ULK4: variants seen among roughly 807,000 people sequenced by gnomAD.
ULK4 encodes inactive serine/threonine-protein kinase ULK4.
In ULK4, 133 loss-of-function variants were observed where a neutral mutation model predicts 160.6. That is an observed-to-expected ratio of 0.83 (90% CI 0.72 to 0.96). The LOEUF is 0.96. Ranked by LOEUF, ULK4 falls within the 40% of genes least tolerant of loss-of-function variation. The probability of loss-of-function intolerance (pLI) is 0.00; values close to 1 mark genes in which losing one functional copy is unlikely to be tolerated. For missense variants in ULK4, 1,580 were observed against 1,499.5 expected (o/e 1.05, Z -0.89); for synonymous variants, 534 against 539.8 (o/e 0.99, Z 0.15).
At chr3:41,541,407 A>G (rs894152845) in intron 32 of ULK4, among the ~76,000 whole-genome samples, 1 of 152,202 alleles carries the variant, frequency 6.6e-6, no homozygotes, top group African/African-American at 2.4e-5. Flanking sequence ...TGGTACCAAT[A>G]CCATGCTGTT....
chr3:41,814,026 A>G (rs532131998), intron 19 of ULK4, among the ~76,000 whole-genome samples: 3 of 152,254 alleles, frequency 2.0e-5, no homozygotes, highest in African/African-American at 7.2e-5. Context: ...GACCGCTGCC[A>G]AAGAGGTGAT....
chr3:41,885,732 G>C (rs1184653735), intron 16 of ULK4, among the ~76,000 whole-genome samples: 4 of 151,540 alleles, frequency 2.6e-5, no homozygotes, highest in African/African-American at 9.7e-5. Flanking sequence ...ACCCAAGCCA[G>C]AGTGCAGTGG....
chr3:41,912,140 C>T (rs1002572910), intron 9 of ULK4, among the ~76,000 whole-genome samples: 2 of 151,954 alleles, frequency 1.3e-5, no homozygotes, highest in African/African-American at 4.8e-5. Context: ...CCAGCCTGGG[C>T]AACATGGTGA....
intron 32 of ULK4, among the ~76,000 whole-genome samples, chr3:41,558,369 GA>G (rs2087389520): frequency 6.6e-6 from 1 of 151,800 alleles, no homozygotes; most frequent in Non-Finnish European, 1.5e-5. Flanking sequence ...CTTAGGGGAG[GA>G]AAAAAATATT....
At chr3:41,624,772 T>A (rs1158535994) in intron 30 of ULK4, among the ~76,000 whole-genome samples, 1 of 152,218 alleles carries the variant, frequency 6.6e-6, no homozygotes, top group East Asian at 1.9e-4. Context: ...GTTTCTTGTT[T>A]CTTTAAGGCT....
chr3:41,669,313 G>A (rs567551505), intron 29 of ULK4, among the ~76,000 whole-genome samples: 5 of 152,140 alleles, frequency 3.3e-5, no homozygotes, highest in South Asian at 2.1e-4. Context: ...TGGCAAGATC[G>A]TAGCTCACTG....
chr3:41,651,991 A>G lies in ULK4; in HGVS notation c.3071+11616T>C, dbSNP rs569682297. 1.6e-4 allele frequency among the ~76,000 whole-genome samples: 24 copies of G among 152,290 alleles called. No individual in the cohort carries two copies. The South Asian group carries it at 3.9e-3, about 25-fold the overall frequency. On this transcript the variant is annotated intron_variant, in intron 30 of 36. Coordinates refer to ENST00000301831, the MANE Select transcript of ULK4 (RefSeq NM_017886.4). ...ACTGAACCCATGAAAGCCAGAGAAG[A>G]ATAACTATAATAAGCAAGCCCCCAG...
intron 30 of ULK4, among the ~76,000 whole-genome samples, chr3:41,630,191 T>C (rs1256577566): frequency 2.0e-5 from 3 of 152,156 alleles, no homozygotes; most frequent in Non-Finnish European, 4.4e-5. Flanking sequence ...CAGAAGTCCA[T>C]CTCAGCATGG....
intron 2 of ULK4, among the ~76,000 whole-genome samples, chr3:41,938,982 T>C (rs1442242339): frequency 2.0e-5 from 3 of 152,168 alleles, no homozygotes; most frequent in African/African-American, 7.2e-5. Flanking sequence ...GGTCACTAAG[T>C]TGTATTATCA....
intron 29 of ULK4, among the ~76,000 whole-genome samples, chr3:41,675,746 T>C (rs1331764763): frequency 6.6e-6 from 1 of 151,922 alleles, no homozygotes; most frequent in South Asian, 2.1e-4. Context: ...GAAGCACAAA[T>C]TGGAGTGATA....
At chr3:41,362,658 C>A (rs2081169969) in intron 35 of ULK4, among the ~76,000 whole-genome samples, 1 of 152,170 alleles carries the variant, frequency 6.6e-6, no homozygotes, top group Admixed American at 6.5e-5. Context: ...CTAATATTAT[C>A]CACATCAATG....
chr3:41,855,643 T>C (rs775222622), intron 17 of ULK4, among the ~76,000 whole-genome samples: 5 of 152,206 alleles, frequency 3.3e-5, no homozygotes, highest in African/African-American at 7.2e-5. Context: ...CTTGTTACTA[T>C]ACTATTAAAA....
intron 34 of ULK4, among the ~76,000 whole-genome samples, chr3:41,441,120 T>C (rs879618056): frequency 2.0e-5 from 3 of 152,104 alleles, no homozygotes; most frequent in Admixed American, 6.5e-5. Flanking sequence ...TCTCCACTGT[T>C]TTCCTAGTTC....
chr3:41,512,957 A>C (rs9866431), intron 32 of ULK4, among the ~76,000 whole-genome samples: 127,675 of 152,018 alleles, frequency 0.84, 54,932 homozygotes, highest in Non-Finnish European at 0.94. Flanking sequence ...TAATAGAGAA[A>C]CCAGAAATAA....
chr3:41,423,598 G>A (rs781197432), intron 34 of ULK4, among the ~76,000 whole-genome samples: 4 of 152,052 alleles, frequency 2.6e-5, no homozygotes, highest in Admixed American at 6.6e-5. Context: ...CAAGATGGCC[G>A]AATAGAAACA....
At chr3:41,344,052 G>A (rs1216008346) in intron 35 of ULK4, among the ~76,000 whole-genome samples, 1 of 152,174 alleles carries the variant, frequency 6.6e-6, no homozygotes, top group Non-Finnish European at 1.5e-5. Flanking sequence ...AAAGCTGGAG[G>A]CATCATGCTA....
At chr3:41,948,013 T>C (rs1700163024) in intron 2 of ULK4, among the ~76,000 whole-genome samples, 1 of 152,186 alleles carries the variant, frequency 6.6e-6, no homozygotes, top group African/African-American at 2.4e-5. Context: ...ATGCTGAACC[T>C]GCCCTCATCC....
chr3:41,807,733 T>G (rs1329442095), intron 19 of ULK4, among the ~76,000 whole-genome samples: 1 of 152,168 alleles, frequency 6.6e-6, no homozygotes, highest in Non-Finnish European at 1.5e-5. Flanking sequence ...ATCTTAAATA[T>G]CCTTCAATTT....
chr3:41,795,755 G>T (rs1257882202), intron 20 of ULK4, among the ~76,000 whole-genome samples: 1 of 152,194 alleles, frequency 6.6e-6, no homozygotes, highest in Non-Finnish European at 1.5e-5. Context: ...AGTTCATTTT[G>T]TGTGGAGAAT....
Sources: allele counts gnomAD v4.1 joint callset (sites outside exome capture counted in the v4.1 genomes callset), GRCh38; gene constraint gnomAD v4.1.1; transcripts MANE v1.5; gene names NCBI Gene and HGNC (gene_info 2026-07-23, HGNC 2026-07-21).